ADGRA3: variants seen among roughly 807,000 people sequenced by gnomAD.
ADGRA3 encodes adhesion G protein-coupled receptor A3, also known as G-protein coupled receptor 125.
In ADGRA3, 56 loss-of-function variants were observed where a neutral mutation model predicts 119.8. The ratio of observed to expected loss-of-function variants is 0.47; its 90% CI spans 0.38 to 0.58. ADGRA3 has a LOEUF of 0.58. ADGRA3 is among the 20% of genes least tolerant of loss of function. The pLI, the probability that ADGRA3 is intolerant of heterozygous loss-of-function variation, is 0.00. For missense variants in ADGRA3, 1,516 were observed against 1,649.0 expected (o/e 0.92, Z 1.40); for synonymous variants, 607 against 623.8 (o/e 0.97, Z 0.40).
At position 22,420,380 on chromosome 4, in the gene ADGRA3, A is replaced by T. The variant is rs925153421; in HGVS notation, c.1809+506T>A. 40 of 153,874 alleles carry T rather than the reference A, an allele frequency of 2.6e-4. 1 individual carries two copies. The highest frequency in any genetic ancestry group is 5.7e-4 in the East Asian group (3 of 5,226). The allele number at this position is 153,874 out of a possible 1,614,324, so 9.5% of individuals were successfully genotyped here. ...CTTGCTTCAATGAAATACTTTTTTT[A>T]AAAAAAGATATATGACATATTTGTG... is the stretch of plus-strand genomic sequence containing the variant. On this transcript the variant is annotated intron_variant, in intron 12 of 18. Coordinates refer to ENST00000334304, the MANE Select transcript of ADGRA3 (RefSeq NM_145290.4).
intron 10 of ADGRA3, among the ~76,000 whole-genome samples, chr4:22,434,882 A>T (rs1197474313): frequency 6.6e-6 from 1 of 152,180 alleles, no homozygotes. Context: ...ACAGCCTCTC[A>T]TTTCTCTAGG....
rs546139965 is a variant in ADGRA3, at chr4:22,511,535, T to G, written c.257+3993A>C. ...TTCATCCATTAAATAGAAATGGCTTTATTTTTCATGATTTAAAAAAAAATT... is the reference window on the plus strand; with the variant it reads ...TTCATCCATTAAATAGAAATGGCTTGATTTTTCATGATTTAAAAAAAAATT... On this transcript the variant is annotated intron_variant, in intron 1 of 18. Transcript: ENST00000334304. 5.9e-5 allele frequency among the ~76,000 whole-genome samples: 9 copies of G among 152,312 alleles called. No homozygotes were observed. The East Asian group carries it at 1.5e-3, about 26-fold the overall frequency.
intron 4 of ADGRA3, among the ~76,000 whole-genome samples, chr4:22,452,206 A>G (rs1197873396): frequency 6.6e-6 from 1 of 152,172 alleles, no homozygotes; most frequent in Non-Finnish European, 1.5e-5. Context: ...AGACTGTTCC[A>G]TTTAGAAAAT....
intron 16 of ADGRA3, among the ~76,000 whole-genome samples, chr4:22,396,498 G>A (rs1714360408): frequency 6.6e-6 from 1 of 152,272 alleles, no homozygotes; most frequent in African/African-American, 2.4e-5. Context: ...GAAACGTTAA[G>A]CCCCTACTAG....
chr4:22,500,390 A>G (rs1232138135), intron 1 of ADGRA3, among the ~76,000 whole-genome samples: 1 of 152,206 alleles, frequency 6.6e-6, no homozygotes, highest in Non-Finnish European at 1.5e-5. Context: ...CTGTTTTAGC[A>G]ATCAGGTGAG....
At chr4:22,454,826 G>T (rs747075326) in intron 4 of ADGRA3, 40 bp downstream of exon 4, 9 of 1,457,674 alleles carry the variant, frequency 6.2e-6, no homozygotes, top group Non-Finnish European at 8.7e-6. Flanking sequence ...TGGCTCAAAT[G>T]CTTCCTTATC....
intron 6 of ADGRA3, among the ~76,000 whole-genome samples, chr4:22,443,726 C>G (rs568420324): frequency 2.0e-5 from 3 of 151,866 alleles, no homozygotes; most frequent in Non-Finnish European, 2.9e-5. Flanking sequence ...TAGAGTGTAA[C>G]GATATTTTGG....
At chr4:22,402,275 T>C (rs1043079595) in intron 15 of ADGRA3, among the ~76,000 whole-genome samples, 5 of 152,028 alleles carry the variant, frequency 3.3e-5, no homozygotes. Context: ...ATAAAGAATA[T>C]CATAATAGGC....
At chr4:22,476,991 C>A (rs1718071858) in intron 1 of ADGRA3, among the ~76,000 whole-genome samples, 2 of 151,542 alleles carry the variant, frequency 1.3e-5, no homozygotes, top group South Asian at 4.2e-4. Context: ...TCTTTATAAT[C>A]CTGCAATATC....
At chr4:22,476,863 C>T (rs1199336422) in intron 1 of ADGRA3, among the ~76,000 whole-genome samples, 1 of 151,976 alleles carries the variant, frequency 6.6e-6, no homozygotes, top group Non-Finnish European at 1.5e-5. Context: ...GACAGGGTTT[C>T]ACCATGATGG....
intron 3 of ADGRA3, among the ~76,000 whole-genome samples, chr4:22,459,083 A>G (rs1252303518): frequency 6.6e-6 from 1 of 152,208 alleles, no homozygotes; most frequent in Admixed American, 6.5e-5. Flanking sequence ...TGCCTGAGAG[A>G]GAAAAATAGG....
intron 11 of ADGRA3, among the ~76,000 whole-genome samples, chr4:22,421,784 G>A (rs1311022356): frequency 2.0e-5 from 3 of 150,772 alleles, no homozygotes; most frequent in African/African-American, 7.4e-5. Context: ...GGAGGCTGTG[G>A]GAAGAGAATT....
chr4:22,503,272 T>G (rs946166047), intron 1 of ADGRA3, among the ~76,000 whole-genome samples: 1 of 152,190 alleles, frequency 6.6e-6, no homozygotes, highest in African/African-American at 2.4e-5. Context: ...ATAATAAATC[T>G]AATAGAAAGT....
Position 22,466,374 on chromosome 4 carries a change from C to T in ADGRA3, c.330-4566G>A, listed in dbSNP as rs375340150. Among the ~76,000 whole-genome samples the T allele has an allele frequency of 1.5e-4, 23 of 152,298 alleles. No individual in the cohort carries two copies. In the East Asian group the frequency reaches 2.7e-3, roughly 18 times the overall value. Reference sequence around the variant, plus strand: ...CTCCAACTCACAACTTCACCTCCATCCCTCTTCACCCACGTATCCTTGAGG... The same window carrying T: ...CTCCAACTCACAACTTCACCTCCATTCCTCTTCACCCACGTATCCTTGAGG... On this transcript the variant is annotated intron_variant, in intron 2 of 18. Coordinates refer to ENST00000334304, the MANE Select transcript of ADGRA3 (RefSeq NM_145290.4).
At chr4:22,462,913 A>G (rs752352449) in intron 2 of ADGRA3, among the ~76,000 whole-genome samples, 1 of 152,126 alleles carries the variant, frequency 6.6e-6, no homozygotes, top group East Asian at 1.9e-4. Context: ...AGTTGCCTAT[A>G]CAAGTGTTTG....
intron 1 of ADGRA3, among the ~76,000 whole-genome samples, chr4:22,482,325 A>G (rs1413341756): frequency 6.6e-6 from 1 of 152,116 alleles, no homozygotes; most frequent in Non-Finnish European, 1.5e-5. Context: ...GAGTGATCAT[A>G]TTGTGCAGTG....
chr4:22,395,389 A>G (rs148909517), intron 16 of ADGRA3, among the ~76,000 whole-genome samples: 1 of 152,344 alleles, frequency 6.6e-6, no homozygotes, highest in Admixed American at 6.5e-5. Flanking sequence ...GAATATGTAA[A>G]CAATTAAAAT....
chr4:22,484,675 G>T (rs933641543), intron 1 of ADGRA3, among the ~76,000 whole-genome samples: 1 of 151,718 alleles, frequency 6.6e-6, no homozygotes, highest in African/African-American at 2.4e-5. Context: ...ATGGTTAAGT[G>T]ATTCAGCATG....
chr4:22,409,704 C>T (rs1715109686), intron 14 of ADGRA3, among the ~76,000 whole-genome samples: 1 of 152,168 alleles, frequency 6.6e-6, no homozygotes. Context: ...GATACATTAT[C>T]ACCATCATAG....
Sources: gnomAD v4.1 joint callset for allele counts (sites outside exome capture counted in the v4.1 genomes callset) on GRCh38, gnomAD v4.1.1 for gene constraint, MANE v1.5 for transcripts, NCBI Gene and HGNC (gene_info 2026-07-23, HGNC 2026-07-21) for gene names.